Variants in MBNL1 observed in about 807,000 individuals in gnomAD.
MBNL1 encodes muscleblind like splicing regulator 1.
A neutral mutation model predicts 42.2 loss-of-function variants in MBNL1; 8 were observed. The ratio of observed to expected loss-of-function variants is 0.19; its 90% CI spans 0.11 to 0.34. MBNL1 has a LOEUF of 0.34. Among genes scored for constraint, MBNL1 ranks in the 10% least tolerant of loss-of-function variants. MBNL1 has a pLI of 1.00. For missense variants in MBNL1, 309 were observed against 495.3 expected (o/e 0.62, Z 3.57); for synonymous variants, 169 against 173.9 (o/e 0.97, Z 0.22).
intron 2 of MBNL1, among the ~76,000 whole-genome samples, chr3:152,376,086 T>A (rs1424596124): frequency 3.3e-5 from 5 of 152,176 alleles, no homozygotes; most frequent in Non-Finnish European, 7.4e-5. Flanking sequence ...GAACTCATAC[T>A]GTCAGGCCGG....
chr3:152,357,075 GAGAT>G (rs2095580204), intron 2 of MBNL1, among the ~76,000 whole-genome samples: 4 of 152,098 alleles, frequency 2.6e-5, no homozygotes, highest in African/African-American at 9.7e-5. Flanking sequence ...TTTCTCAACA[GAGAT>G]CATGTCATCC....
intron 2 of MBNL1, among the ~76,000 whole-genome samples, chr3:152,251,757 C>T (rs2034581987): frequency 6.6e-6 from 1 of 152,026 alleles, no homozygotes; most frequent in Non-Finnish European, 1.5e-5. Flanking sequence ...TTATGTCCCA[C>T]ATTGTTAATG....
intron 2 of MBNL1, among the ~76,000 whole-genome samples, chr3:152,372,488 C>T (rs1186241268): frequency 6.6e-6 from 1 of 152,090 alleles, no homozygotes; most frequent in African/African-American, 2.4e-5. Flanking sequence ...TTTGTGTGGA[C>T]ATCGTTTTTG....
intron 2 of MBNL1, among the ~76,000 whole-genome samples, chr3:152,399,704 T>C (rs2098132611): frequency 6.6e-6 from 1 of 152,090 alleles, no homozygotes; most frequent in South Asian, 2.1e-4. Context: ...GGTCTCACTA[T>C]GTAGCCTAGG....
At chr3:152,305,212 A>G (rs995360723) in intron 2 of MBNL1, among the ~76,000 whole-genome samples, 1 of 152,196 alleles carries the variant, frequency 6.6e-6, no homozygotes, top group African/African-American at 2.4e-5. Context: ...GAGACAATGC[A>G]GTGTGGGGTG....
chr3:152,333,622 A>T (rs897792596), intron 2 of MBNL1, among the ~76,000 whole-genome samples: 2 of 152,210 alleles, frequency 1.3e-5, no homozygotes, highest in Non-Finnish European at 2.9e-5. Context: ...TATGCCTCAG[A>T]TTTATCAGAT....
At chr3:152,338,774 A>T (rs557468038) in intron 2 of MBNL1, 102 of 856,304 alleles carry the variant, frequency 1.2e-4, no homozygotes, top group Non-Finnish European at 1.4e-4. Context: ...TGTCCTTGGG[A>T]AACTCTGTGT....
At chr3:152,286,830 A>C (rs2150738462) in intron 1 of MBNL1, among the ~76,000 whole-genome samples, 1 of 152,156 alleles carries the variant, frequency 6.6e-6, no homozygotes, top group African/African-American at 2.4e-5. Flanking sequence ...AAATGTTGTG[A>C]GGGATTTTTT....
chr3:152,419,685 T>TTTG (rs1369423809), intron 3 of MBNL1, among the ~76,000 whole-genome samples: 39 of 149,312 alleles, frequency 2.6e-4, no homozygotes, highest in Middle Eastern at 3.5e-3. Context: ...GCAGGAGTTT[T>TTTG]TTTGTTTGTT....
intron 3 of MBNL1, among the ~76,000 whole-genome samples, chr3:152,421,911 C>T (rs964332205): frequency 6.6e-6 from 1 of 151,778 alleles, no homozygotes; most frequent in African/African-American, 2.4e-5. Flanking sequence ...GCCTGCCTTA[C>T]AAGAACTCCT....
intron 2 of MBNL1, among the ~76,000 whole-genome samples, chr3:152,247,166 G>C (rs1434465258): frequency 2.6e-5 from 4 of 151,936 alleles, no homozygotes; most frequent in African/African-American, 7.2e-5. Context: ...TTACAGTTTG[G>C]GTGCAAACTC....
At chr3:152,285,843 C>T (rs970487425) in intron 1 of MBNL1, among the ~76,000 whole-genome samples, 9 of 151,492 alleles carry the variant, frequency 5.9e-5, no homozygotes, top group East Asian at 1.9e-4. Context: ...AGGCTGGTCT[C>T]GAACTCTTGG....
At chr3:152,432,576 G>C in intron 3 of MBNL1, 141 bp from the exon 4 acceptor site, 1 of 701,326 alleles carries the variant, frequency 1.4e-6, no homozygotes, top group Non-Finnish European at 2.5e-6. Flanking sequence ...CTAAATGATA[G>C]TAAATGAACA....
chr3:152,389,956 A>T (rs1158541033), intron 2 of MBNL1, among the ~76,000 whole-genome samples: 1 of 151,978 alleles, frequency 6.6e-6, no homozygotes, highest in African/African-American at 2.4e-5. Flanking sequence ...GCTCACTGCA[A>T]CATATGCCTC....
At chr3:152,314,955 C>A (rs1397144584) in intron 2 of MBNL1, among the ~76,000 whole-genome samples, 2 of 152,206 alleles carry the variant, frequency 1.3e-5, no homozygotes, top group Admixed American at 1.3e-4. Flanking sequence ...CATGCCACTG[C>A]ATTCTTGTTA....
chr3:152,298,143 A>G (rs1267359906), intron 1 of MBNL1, among the ~76,000 whole-genome samples: 1 of 152,174 alleles, frequency 6.6e-6, no homozygotes, highest in Non-Finnish European at 1.5e-5. Flanking sequence ...TCCAAAAATT[A>G]TAAATATACC....
chr3:152,388,387 A>G (rs551416855), intron 2 of MBNL1, among the ~76,000 whole-genome samples: 42 of 152,344 alleles, frequency 2.8e-4, no homozygotes, highest in Admixed American at 1.3e-3. Flanking sequence ...TGCTTTACAA[A>G]CAGGACTTGA....
At chr3:152,268,780 G>T, upstream of MBNL1, 1 of 450,374 alleles carries the variant, frequency 2.2e-6, no homozygotes, top group Non-Finnish European at 4.4e-6. Flanking sequence ...GCGGAAAGTT[G>T]AAGAGCGTTT....
intron 2 of MBNL1, among the ~76,000 whole-genome samples, chr3:152,362,593 TG>T (rs1445218660): frequency 4.6e-5 from 7 of 152,140 alleles, no homozygotes; most frequent in Non-Finnish European, 1.0e-4. Context: ...AAATATTTGT[TG>T]TAGAGGGGTG....
Sources: gnomAD v4.1 joint callset for allele counts (sites outside exome capture counted in the v4.1 genomes callset) on GRCh38, gnomAD v4.1.1 for gene constraint, MANE v1.5 for transcripts, NCBI Gene and HGNC (gene_info 2026-07-23, HGNC 2026-07-21) for gene names.